Variants in CXADR observed in about 807,000 individuals in gnomAD.
CXADR encodes CXADR cell adhesion molecule, also known as coxsackievirus and adenovirus receptor.
Under a neutral mutation model 40.3 loss-of-function variants are expected in CXADR, and 20 were observed. The ratio of observed to expected loss-of-function variants is 0.50; its 90% CI spans 0.35 to 0.72. CXADR has a LOEUF of 0.72. Ranked by LOEUF, CXADR falls within the 30% of genes least tolerant of loss-of-function variation. The pLI is 0.01. For synonymous variants in CXADR, 150 were observed against 161.3 expected, an observed-to-expected ratio of 0.93 and a Z score of 0.53; for missense variants, 332 against 449.1, an observed-to-expected ratio of 0.74 and a Z score of 2.36.
intron 2 of CXADR, among the ~76,000 whole-genome samples, chr21:17,547,759 TTTA>T: frequency 9.1e-6 from 1 of 109,520 alleles, no homozygotes; most frequent in South Asian, 3.1e-4. Flanking sequence ...TCTTTTTAAA[TTTA>T]TTTTTTTTAC....
At chr21:17,534,045 T>TAC (rs1295565668) in intron 1 of CXADR, among the ~76,000 whole-genome samples, 22 of 127,500 alleles carry the variant, frequency 1.7e-4, no homozygotes, top group African/African-American at 5.5e-4. Context: ...TATATATATA[T>TAC]ACACATATAT....
At chr21:17,583,212 G>A (rs1208665355) in intron 7 of CXADR, among the ~76,000 whole-genome samples, 3 of 152,114 alleles carry the variant, frequency 2.0e-5, no homozygotes, top group African/African-American at 4.8e-5. Context: ...TGCTGTGTTC[G>A]GGACATGATA....
intron 1 of CXADR, among the ~76,000 whole-genome samples, chr21:17,516,736 T>C (rs1418167615): frequency 6.6e-6 from 1 of 152,188 alleles, no homozygotes; most frequent in African/African-American, 2.4e-5. Flanking sequence ...GGATACAAAA[T>C]TAAATCCATT....
At chr21:17,527,915 C>A (rs987663651) in intron 1 of CXADR, among the ~76,000 whole-genome samples, 2 of 151,804 alleles carry the variant, frequency 1.3e-5, no homozygotes, top group African/African-American at 4.8e-5. Context: ...ACATTCACCC[C>A]CTGCCCCAGC....
intron 2 of CXADR, among the ~76,000 whole-genome samples, chr21:17,551,097 T>TA (rs139608683): frequency 0.03 from 4,582 of 151,994 alleles, 242 homozygotes; most frequent in African/African-American, 0.1. Flanking sequence ...AGTTGAAAAA[T>TA]AGAGTATATA....
intron 1 of CXADR, among the ~76,000 whole-genome samples, chr21:17,534,857 T>G (rs529560832): frequency 7.5e-5 from 11 of 146,708 alleles, no homozygotes; most frequent in African/African-American, 2.8e-4. Flanking sequence ...CAATCTTGGC[T>G]CACTGCAGCC....
chr21:17,615,072 T>C, the CXADR span, among the ~76,000 whole-genome samples: 1 of 152,144 alleles, frequency 6.6e-6, no homozygotes, highest in Admixed American at 6.5e-5. Context: ...CCCAATGTGA[T>C]GGTATTTGGA....
chr21:17,558,868 C>T, intron 3 of CXADR, 108 bp from the exon 4 acceptor site: 1 of 1,151,712 alleles, frequency 8.7e-7, no homozygotes, highest in East Asian at 2.6e-5. Flanking sequence ...TTTGTGAATT[C>T]TGAACCCAGA....
chr21:17,528,458 T>C (rs1442849841), intron 1 of CXADR, among the ~76,000 whole-genome samples: 1 of 151,738 alleles, frequency 6.6e-6, no homozygotes, highest in Non-Finnish European at 1.5e-5. Context: ...CAGGCTGGAG[T>C]GCAGTGGCGC....
At chr21:17,564,497 T>G (rs968211279) in intron 6 of CXADR, among the ~76,000 whole-genome samples, 2 of 152,014 alleles carry the variant, frequency 1.3e-5, no homozygotes, top group Non-Finnish European at 2.9e-5. Flanking sequence ...GCTGTACATG[T>G]TAGGTATTTT....
At chr21:17,576,577 G>A (rs557425284) in intron 7 of CXADR, among the ~76,000 whole-genome samples, 95 of 152,146 alleles carry the variant, frequency 6.2e-4, no homozygotes, top group African/African-American at 1.8e-3. Context: ...CCACTTTTCC[G>A]GGGGTAGATT....
At chr21:17,613,508 C>T in the CXADR span, 5 of 152,354 alleles carry the variant, frequency 3.3e-5, no homozygotes, top group African/African-American at 1.2e-4. Context: ...GGGCCCTTCC[C>T]TGGCCCCTCA....
At chr21:17,607,739 G>C in the CXADR span, among the ~76,000 whole-genome samples, 2 of 152,320 alleles carry the variant, frequency 1.3e-5, no homozygotes, top group Admixed American at 6.5e-5. Context: ...ACAAATAAAA[G>C]AGTATTTCTG....
downstream of CXADR, among the ~76,000 whole-genome samples, chr21:17,595,513 T>C (rs984961330): frequency 1.3e-5 from 2 of 152,140 alleles, no homozygotes; most frequent in South Asian, 4.1e-4. Context: ...TTTAAAAATA[T>C]ATATGTATAC....
At chr21:17,561,266 G>T in intron 5 of CXADR, 72 bp from the exon 6 acceptor site, 1 of 882,504 alleles carries the variant, frequency 1.1e-6, no homozygotes, top group Non-Finnish European at 1.6e-6. Flanking sequence ...ATCTAAAAAT[G>T]TATAGCCTAC....
At position 17,547,167 on chromosome 21, in the gene CXADR, G is replaced by T; in HGVS notation, c.184G>T (p.Ala62Ser). Reference sequence around the variant, plus strand: ...GGACATCGAGTGGCTGATATCACCAGCTGATAATCAGAAGGTGGATCAAGT... The same window carrying T: ...GGACATCGAGTGGCTGATATCACCATCTGATAATCAGAAGGTGGATCAAGT... ...PLDIEWLISP[A>S]DNQKVDQVII... Residue 62 changes from alanine (A) to serine (S), a missense_variant, in exon 2 of 7, where the codon GCT becomes TCT. Ala to Ser is a moderately conservative substitution (Grantham distance 99, BLOSUM62 1). Coordinates refer to ENST00000284878, the MANE Select transcript of CXADR (RefSeq NM_001338.5). 3 of 1,614,220 alleles carry T rather than the reference G, an allele frequency of 1.9e-6. No individual in the cohort carries two copies. Among genetic ancestry groups the T allele is most frequent in the Non-Finnish European group, 1.7e-6 (2 of 1,180,046 alleles).
chr21:17,532,344 T>C (rs1273938077), intron 1 of CXADR, among the ~76,000 whole-genome samples: 2 of 152,208 alleles, frequency 1.3e-5, no homozygotes, highest in Non-Finnish European at 2.9e-5. Flanking sequence ...TTTTGACTTA[T>C]AAATGTACTC....
chr21:17,540,140 C>T lies in CXADR; in HGVS notation c.44-6887C>T, dbSNP rs186346803. Reference sequence around the variant, plus strand: ...TCCTCACGTGGCAGAGAGAGTGCTCCGGTATTTCCTTCTCTTAAGCGGATG... The same window carrying T: ...TCCTCACGTGGCAGAGAGAGTGCTCTGGTATTTCCTTCTCTTAAGCGGATG... On this transcript the variant is annotated intron_variant, in intron 1 of 6. Transcript: ENST00000284878. 1.2e-3 allele frequency among the ~76,000 whole-genome samples: 178 copies of T among 152,176 alleles called. 1 individual carries two copies. Among genetic ancestry groups the T allele is most frequent in the East Asian group, 7.2e-3 (37 of 5,164 alleles).
the CXADR span, among the ~76,000 whole-genome samples, chr21:17,632,639 G>A: frequency 0.04 from 6,099 of 151,960 alleles, 157 homozygotes; most frequent in African/African-American, 0.072. Context: ...AGGCCGAGGC[G>A]GGCGGATCAC....
Sources: gnomAD v4.1 joint callset for allele counts (sites outside exome capture counted in the v4.1 genomes callset) on GRCh38, gnomAD v4.1.1 for gene constraint, MANE v1.5 for transcripts, NCBI Gene and HGNC (gene_info 2026-07-23, HGNC 2026-07-21) for gene names.